PRPF31: variants seen among roughly 807,000 people sequenced by gnomAD.
PRPF31 encodes pre-mRNA processing factor 31, also known as U4/U6 small nuclear ribonucleoprotein Prp31.
In PRPF31, 12 loss-of-function variants were observed where a neutral mutation model predicts 60.4. The ratio of observed to expected loss-of-function variants is 0.20; its 90% confidence interval spans 0.13 to 0.32. PRPF31 has a LOEUF of 0.32. Among genes scored for constraint, PRPF31 ranks in the 10% least tolerant of loss-of-function variants. The probability of loss-of-function intolerance (pLI) is 1.00; values close to 1 mark genes in which losing one functional copy is unlikely to be tolerated. For missense variants in PRPF31, 431 were observed against 687.1 expected (o/e 0.63, Z 4.17); for synonymous variants, 287 against 287.9 (o/e 1.00, Z 0.03).
rs1182975463 is a variant in PRPF31, at chr19:54,123,651, T to C, written c.527+91T>C. On this transcript the variant is annotated intron_variant, in intron 6 of 13. Coordinates refer to ENST00000321030, the MANE Select transcript of PRPF31 (RefSeq NM_015629.4). ...GCAGGTGTACACACGCACACACACA[T>C]ACACACATGCACACACACACACAGA... The C allele has an allele frequency of 1.6e-5, 26 of 1,592,136 alleles. No homozygotes were observed. The Admixed American group carries it at 4.0e-4, about 25-fold the overall frequency.
Position 54,121,206 on chromosome 19 carries a change from G to A in PRPF31, c.239-654G>A, listed in dbSNP as rs587747872. On this transcript the variant is annotated intron_variant, in intron 3 of 13. Transcript: ENST00000321030. ...TAATCCCAGCTACTCAGGAGGCTGA[G>A]GCAGGAGAATCGCTTGAACCCAGGA... Among the ~76,000 whole-genome samples, 15 of 152,060 alleles carry A rather than the reference G, an allele frequency of 9.9e-5. No homozygotes were observed. The East Asian group carries it at 2.7e-3, about 28-fold the overall frequency.
chr19:54,121,502 G>T (rs184115790), intron 3 of PRPF31, among the ~76,000 whole-genome samples: 1 of 152,280 alleles, frequency 6.6e-6, no homozygotes, highest in East Asian at 1.9e-4. Flanking sequence ...GTACTCGGCT[G>T]TGGGTACAGC....
intron 11 of PRPF31, among the ~76,000 whole-genome samples, chr19:54,128,783 C>T (rs1187864409): frequency 1.3e-5 from 2 of 152,170 alleles, no homozygotes; most frequent in Non-Finnish European, 2.9e-5. Flanking sequence ...GTTCTGGTTC[C>T]TGACATCCCC....
chr19:54,118,758 T>C, intron 3 of PRPF31, 125 bp downstream of exon 3: 1 of 903,290 alleles, frequency 1.1e-6, no homozygotes, highest in Non-Finnish European at 1.7e-6. Context: ...CTTTTTTTTT[T>C]GTTTCACCCC....
rs766012207 is a variant in PRPF31, at chr19:54,129,257, C to T, written c.1276-15C>T. The T allele has an allele frequency of 8.7e-6, 14 of 1,609,578 alleles. No individual in the cohort carries two copies. The highest frequency in any genetic ancestry group is 1.7e-4 in the Middle Eastern group (1 of 6,054). ...GGGGGGAGCCCAGATCGCAGCCTCC[C>T]TGTCCTCCCCACAGCGGACCCTGCA... On this transcript the variant is annotated splice_polypyrimidine_tract_variant and intron_variant, in intron 12 of 13. Transcript: ENST00000321030.
intron 8 of PRPF31, 136 bp from the exon 9 acceptor site, chr19:54,126,392 C>A: frequency 3.9e-6 from 3 of 778,084 alleles, no homozygotes; most frequent in Non-Finnish European, 6.7e-6. Context: ...AGAGCACACA[C>A]CTCTAGAGCC....
chr19:54,128,103 C>T lies in PRPF31; in HGVS notation c.976C>T (p.Arg326Cys), dbSNP rs1180860515. 12 of 1,549,604 alleles carry T rather than the reference C, an allele frequency of 7.7e-6. No individual in the cohort carries two copies. The highest frequency in any genetic ancestry group is 1.2e-5 in the South Asian group (1 of 84,070). ...CTACGAACTGAAGGATGAGATCGAG[C>T]GCAAATTCGACAAGTGGCAGGAGCC... ...VGYELKDEIE[R>C]KFDKWQEPPP... Residue 326 changes from arginine to cysteine, a missense_variant, in exon 10 of 14, where the codon CGC becomes TGC. Transcript: ENST00000321030.
At chr19:54,118,128 TA>T in intron 1 of PRPF31, 142 bp from the exon 2 acceptor site, 1 of 1,199,436 alleles carries the variant, frequency 8.3e-7, no homozygotes, top group Non-Finnish European at 1.2e-6. Context: ...CAAAACAAAC[TA>T]AAGCACCTGT....
intron 11 of PRPF31, 81 bp from the exon 12 acceptor site, chr19:54,128,976 C>T (rs1398573455): frequency 9.8e-6 from 14 of 1,430,266 alleles, no homozygotes; most frequent in Middle Eastern, 2.2e-4. Context: ...CGCTGGGCTT[C>T]GGGCTGGTGG....
At chr19:54,122,451 T>TC in intron 4 of PRPF31, 46 bp from the exon 5 acceptor site, 1 of 1,429,360 alleles carries the variant, frequency 7.0e-7, no homozygotes, top group East Asian at 2.3e-5. Context: ...ACCAGCAGAG[T>TC]CTACCTTCCA....
At chr19:54,118,172 A>G (rs2073697039) in intron 1 of PRPF31, 99 bp from the exon 2 acceptor site, 1 of 1,563,238 alleles carries the variant, frequency 6.4e-7, no homozygotes, top group South Asian at 1.1e-5. Context: ...TGGGGTTGAT[A>G]AAGAAGGACC....
At chr19:54,131,188 A>G in intron 13 of PRPF31, 119 bp from the exon 14 acceptor site, 4 of 1,422,856 alleles carry the variant, frequency 2.8e-6, no homozygotes, top group Non-Finnish European at 4.0e-6. Flanking sequence ...GGACAGGCAA[A>G]CTGTCTCATG....
intron 3 of PRPF31, among the ~76,000 whole-genome samples, chr19:54,121,596 C>T (rs587776161): frequency 2.6e-5 from 4 of 152,236 alleles, no homozygotes; most frequent in Non-Finnish European, 5.9e-5. Flanking sequence ...GGTCATTAGC[C>T]TTGGGGCTGT....
Position 54,118,139 on chromosome 19 carries a change from T to C in PRPF31, c.-8-132T>C, listed in dbSNP as rs1391069358. The C allele has an allele frequency of 3.9e-6, 5 of 1,270,564 alleles. No individual in the cohort carries two copies. In the African/African-American group the frequency reaches 7.3e-5, roughly 19 times the overall value. 78.7% of individuals were successfully genotyped at this position (1,270,564 alleles called of 1,614,324 possible). A position where few individuals can be genotyped will look rare whatever the true frequency, so the allele number is the denominator to read the frequency against. ...TGAACAAAACAAACTAAAGCACCTG[T>C]TGTCGTGGAGCCTGCATGCTAGTGG... On this transcript the variant is annotated intron_variant, in intron 1 of 13. Transcript: ENST00000321030.
chr19:54,121,976 G>A (rs587612210), intron 4 of PRPF31, 33 bp downstream of exon 4: 16 of 1,582,458 alleles, frequency 1.0e-5, no homozygotes, highest in African/African-American at 5.4e-5. Context: ...AGACAGCCCC[G>A]TGTGACGTCC....
intron 9 of PRPF31, 111 bp from the exon 10 acceptor site, chr19:54,127,962 T>A (rs2073958262): frequency 7.0e-7 from 1 of 1,419,724 alleles, no homozygotes; most frequent in Non-Finnish European, 9.7e-7. Flanking sequence ...TGAGGCAGCA[T>A]TAGGTGCTGA....
chr19:54,124,164 T>C (rs1444796306), intron 7 of PRPF31: 2 of 780,114 alleles, frequency 2.6e-6, no homozygotes, highest in African/African-American at 3.5e-5. Flanking sequence ...CCAGGCCCTG[T>C]TGTCAGGGAG....
intron 4 of PRPF31, 154 bp downstream of exon 4, chr19:54,122,097 T>C (rs2073805827): frequency 4.8e-6 from 4 of 840,228 alleles, no homozygotes; most frequent in East Asian, 2.7e-5. Flanking sequence ...AAGAAGGAAG[T>C]GCGTTCTCTC....
At chr19:54,124,155 C>T (rs1276531979) in intron 7 of PRPF31, 6 of 841,178 alleles carry the variant, frequency 7.1e-6, no homozygotes, top group Non-Finnish European at 1.1e-5. Context: ...TGACCACACC[C>T]AGGCCCTGTT....
Sources: gnomAD v4.1 joint callset for allele counts (sites outside exome capture counted in the v4.1 genomes callset) on GRCh38, gnomAD v4.1.1 for gene constraint, MANE v1.5 for transcripts, NCBI Gene and HGNC (gene_info 2026-07-23, HGNC 2026-07-21) for gene names.